KAZN: variants seen among roughly 807,000 people sequenced by gnomAD.
KAZN encodes kazrin.
In KAZN, 40 loss-of-function variants were observed where a neutral mutation model predicts 87.4. That is an observed-to-expected ratio of 0.46 (90% CI 0.36 to 0.60). KAZN has a LOEUF of 0.60. Ranked by LOEUF, KAZN falls within the 20% of genes least tolerant of loss-of-function variation. KAZN has a pLI of 0.00. For synonymous variants in KAZN, 466 were observed against 458.3 expected (o/e 1.02, Z -0.22); for missense variants, 898 against 1,073.9 (o/e 0.84, Z 2.29).
intron 1 of KAZN, among the ~76,000 whole-genome samples, chr1:14,938,567 G>T (rs1417074746): frequency 6.6e-6 from 1 of 151,538 alleles, no homozygotes; most frequent in Non-Finnish European, 1.5e-5. Context: ...AAAGGGTGCT[G>T]GAGTGATATA....
chr1:14,002,594 C>A (rs540871658), intron 1 of KAZN, among the ~76,000 whole-genome samples: 1 of 152,052 alleles, frequency 6.6e-6, no homozygotes, highest in Non-Finnish European at 1.5e-5. Flanking sequence ...CTTTATCAGC[C>A]GTGTGAAAAT....
At position 15,094,191 on chromosome 1, in the gene KAZN, C is replaced by T. The variant is rs774593486; in HGVS notation, c.1234C>T (p.Gln412Ter). The T allele has an allele frequency of 1.2e-6, 2 of 1,613,198 alleles. No homozygotes were observed. Among genetic ancestry groups the T allele is most frequent in the South Asian group, 1.1e-5 (1 of 91,046 alleles). ...CTTGTGTGTTGCAGACTCGGACAGC[C>T]AGTGCAGCCCCACGCGGCAGAGCCT... ...DPGLFDDSDS[Q>*]CSPTRQSLSL... Residue 412 changes from glutamine (Q) to a stop codon, truncating the protein, a stop_gained, in exon 9 of 15, where the codon CAG becomes TAG. Coordinates refer to ENST00000376030, the MANE Select transcript of KAZN (RefSeq NM_201628.3). LOFTEE classifies it high-confidence loss of function. The surrounding 1 kb of genome is among the most constrained non-coding windows in gnomAD (Gnocchi z 4.5).
In KAZN at chr1:14,413,662, T is replaced by C. The variant is rs1664503649; in HGVS notation, c.250-185321T>C. Among the ~76,000 whole-genome samples the C allele has an allele frequency of 2.0e-5, 3 of 149,600 alleles. No individual in the cohort carries two copies. The South Asian group carries it at 6.3e-4, about 31-fold the overall frequency. ...ATAGGAAGACTACCTTTATGACCTC[T>C]TGGTAGAGAATTGCTTTTGGAAACA... On this transcript the variant is annotated intron_variant, in intron 2 of 16. Coordinates refer to the KAZN transcript ENST00000636203.
At chr1:14,099,953 C>CCTCCTCCCTTCTCTTT (rs1553128085) in intron 1 of KAZN, among the ~76,000 whole-genome samples, 1 of 152,032 alleles carries the variant, frequency 6.6e-6, no homozygotes, top group Non-Finnish European at 1.5e-5. Flanking sequence ...TTCCTCTCTT[C>CCTCCTCCCTTCTCTTT]CTCCTCCCTT....
intron 2 of KAZN, among the ~76,000 whole-genome samples, chr1:14,980,681 G>A (rs1030570165): frequency 7.2e-5 from 11 of 152,128 alleles, no homozygotes; most frequent in African/African-American, 2.7e-4. Flanking sequence ...TTATGGACCT[G>A]AAAAAGACAT....
At chr1:14,232,078 C>T (rs1647913453) in intron 2 of KAZN, among the ~76,000 whole-genome samples, 2 of 152,100 alleles carry the variant, frequency 1.3e-5, no homozygotes, top group Non-Finnish European at 2.9e-5. Context: ...TGCAAAGGGG[C>T]TGGGAAATGT....
rs367563649 is a variant in KAZN at position 15,065,801 on chromosome 1, G to A, written c.1222+48G>A. On this transcript the variant is annotated intron_variant, in intron 8 of 14. Coordinates refer to ENST00000376030, the MANE Select transcript of KAZN (RefSeq NM_201628.3). ...AGAGGAGGACGCGGACTGGTGATAC[G>A]CGCTCCCCTGCGCCTGCTGCCCGCA... 38 of 1,597,978 alleles carry A rather than the reference G, an allele frequency of 2.4e-5. No individual in the cohort carries two copies. In the African/African-American group the frequency reaches 2.8e-4, roughly 12 times the overall value.
At chr1:14,609,657 C>T (rs1677657576) in intron 1 of KAZN, among the ~76,000 whole-genome samples, 1 of 152,188 alleles carries the variant, frequency 6.6e-6, no homozygotes, top group Non-Finnish European at 1.5e-5. Context: ...CTTTTCTTGG[C>T]AATCAAGAAG....
At chr1:14,371,877 G>A (rs1244525618) in intron 2 of KAZN, among the ~76,000 whole-genome samples, 1 of 152,216 alleles carries the variant, frequency 6.6e-6, no homozygotes, top group African/African-American at 2.4e-5. Flanking sequence ...TTTTCACAAT[G>A]GCGGTGAGCC....
At chr1:14,592,417 C>T (rs1267831683) in intron 2 of KAZN, among the ~76,000 whole-genome samples, 1 of 152,188 alleles carries the variant, frequency 6.6e-6, no homozygotes, top group Non-Finnish European at 1.5e-5. Context: ...ACCGGTGAGT[C>T]TCCAACTTCA....
At chr1:14,697,200 A>G (rs993287229) in intron 1 of KAZN, among the ~76,000 whole-genome samples, 2 of 151,608 alleles carry the variant, frequency 1.3e-5, no homozygotes, top group Non-Finnish European at 2.9e-5. Context: ...AGGGTGGTGC[A>G]TGCCTTGTGG....
At chr1:15,024,423 AG>A (rs1326088376) in intron 2 of KAZN, among the ~76,000 whole-genome samples, 1 of 152,250 alleles carries the variant, frequency 6.6e-6, no homozygotes, top group Non-Finnish European at 1.5e-5. Flanking sequence ...TTGTTCCAAA[AG>A]GAAGAAGAGA....
intron 1 of KAZN, among the ~76,000 whole-genome samples, chr1:14,093,798 G>A (rs1339023071): frequency 6.6e-6 from 1 of 152,230 alleles, no homozygotes; most frequent in Non-Finnish European, 1.5e-5. Context: ...CTGGCTTTAT[G>A]CTTAGGTTCA....
intron 1 of KAZN, among the ~76,000 whole-genome samples, chr1:14,916,836 C>G (rs1657868439): frequency 2.0e-5 from 3 of 151,936 alleles, no homozygotes; most frequent in Admixed American, 6.6e-5. Flanking sequence ...ATTGCTTGAG[C>G]CCAGGAGTTT....
intron 2 of KAZN, among the ~76,000 whole-genome samples, chr1:14,429,331 C>T (rs10754856): frequency 0.59 from 90,306 of 152,028 alleles, 27,196 homozygotes; most frequent in African/African-American, 0.67. Flanking sequence ...CACACCGTGG[C>T]TAAGTTCTCC....
chr1:15,065,699 C>T lies in KAZN; in HGVS notation c.1168C>T (p.Arg390Cys), dbSNP rs1445145946. The change falls in exon 8 of 15, where the codon CGC becomes TGC. Residue 390 changes from arginine to cysteine, a missense_variant. By Grantham distance (180) the Arg-to-Cys change is radical (BLOSUM62 -3). Around this residue, in one of 3 missense-constraint regions of KAZN, gnomAD observed 521 missense variants for 689.4 expected, o/e 0.76. Coordinates refer to ENST00000376030, the MANE Select transcript of KAZN (RefSeq NM_201628.3). Reference protein sequence around the residue: ...KEKMGFGSISRVFARGKQRKS... With the variant: ...KEKMGFGSISCVFARGKQRKS... The stretch of plus-strand genomic sequence containing the variant: ...GAAGATGGGATTCGGCTCCATCTCC[C>T]GCGTCTTCGCCAGAGGGAAGCAGCG... 4 of 1,614,214 alleles carry T rather than the reference C, an allele frequency of 2.5e-6. No homozygotes were observed. Among genetic ancestry groups the T allele is most frequent in the Admixed American group, 3.3e-5 (2 of 60,030 alleles).
chr1:14,321,147 A>G (rs1033042457), intron 2 of KAZN, among the ~76,000 whole-genome samples: 15 of 152,334 alleles, frequency 9.8e-5, no homozygotes, highest in Non-Finnish European at 1.5e-5. Context: ...TTAAATGCTC[A>G]TCAAGGCTCT....
intron 2 of KAZN, among the ~76,000 whole-genome samples, chr1:14,417,477 G>A (rs1436350576): frequency 6.6e-6 from 1 of 152,168 alleles, no homozygotes; most frequent in Admixed American, 6.5e-5. Flanking sequence ...CAGCTGCTCA[G>A]TCTACAATGT....
At chr1:14,121,443 G>T (rs1371460146) in intron 1 of KAZN, among the ~76,000 whole-genome samples, 2 of 152,148 alleles carry the variant, frequency 1.3e-5, no homozygotes, top group Non-Finnish European at 2.9e-5. Flanking sequence ...CAGGCACAGA[G>T]AAATTATGTA....
Sources: gnomAD v4.1 joint callset for allele counts (sites outside exome capture counted in the v4.1 genomes callset) on GRCh38, gnomAD v4.1.1 for gene constraint, gnomAD v4.1.1 regional missense constraint, Gnocchi (gnomAD v3.1) non-coding constraint, MANE v1.5 for transcripts, NCBI Gene and HGNC (gene_info 2026-07-23, HGNC 2026-07-21) for gene names.